The following CDH12 variants were observed in gnomAD, a reference collection of about 807,000 sequenced individuals.
The protein encoded by CDH12 is cadherin 12.
CDH12 carries 41 observed loss-of-function variants against 74.1 expected under a neutral mutation model. That is an observed-to-expected ratio of 0.55 (90% confidence interval 0.43 to 0.72). The LOEUF is 0.72. Among genes scored for constraint, CDH12 ranks in the 30% least tolerant of loss-of-function variants. The probability of loss-of-function intolerance (pLI) is 0.00; values close to 1 mark genes in which losing one functional copy is unlikely to be tolerated. For synonymous variants in CDH12, 399 were observed against 355.0 expected (o/e 1.12, Z -1.39); for missense variants, 945 against 977.2 (o/e 0.97, Z 0.44).
chr5:22,460,996 C>A (rs1260897766), intron 2 of CDH12, among the ~76,000 whole-genome samples: 2 of 144,946 alleles, frequency 1.4e-5, no homozygotes, highest in East Asian at 4.2e-4. Context: ...GCTGGGATTA[C>A]AGGTGTGAGC....
intron 1 of CDH12, among the ~76,000 whole-genome samples, chr5:22,800,570 T>C (rs1334756855): frequency 1.3e-5 from 2 of 152,148 alleles, no homozygotes; most frequent in Non-Finnish European, 2.9e-5. Context: ...TGTTTATAGT[T>C]TACCATTAGG....
intron 4 of CDH12, among the ~76,000 whole-genome samples, chr5:22,157,824 A>G (rs1748117335): frequency 1.3e-5 from 2 of 152,118 alleles, no homozygotes; most frequent in Admixed American, 6.6e-5. Flanking sequence ...GCTAATTTAA[A>G]TCTCACATAC....
At chr5:22,376,080 A>G (rs372670707) in intron 3 of CDH12, among the ~76,000 whole-genome samples, 1 of 152,228 alleles carries the variant, frequency 6.6e-6, no homozygotes, top group African/African-American at 2.4e-5. Flanking sequence ...ATGGATAAAG[A>G]ACATGTGGTT....
At chr5:22,326,553 C>T (rs866308934) in intron 3 of CDH12, among the ~76,000 whole-genome samples, 9 of 152,102 alleles carry the variant, frequency 5.9e-5, no homozygotes, top group African/African-American at 1.7e-4. Flanking sequence ...GGCTTTACAT[C>T]TCATGAAACT....
At chr5:22,437,805 A>G (rs1454231373) in intron 2 of CDH12, among the ~76,000 whole-genome samples, 1 of 152,024 alleles carries the variant, frequency 6.6e-6, no homozygotes, top group East Asian at 1.9e-4. Context: ...TATTTAACCC[A>G]AGGTACTAGT....
At chr5:22,707,167 G>A (rs1743052767) in intron 1 of CDH12, among the ~76,000 whole-genome samples, 1 of 152,142 alleles carries the variant, frequency 6.6e-6, no homozygotes, top group Non-Finnish European at 1.5e-5. Flanking sequence ...ACAACATTAA[G>A]CCTACTAAAT....
At chr5:22,128,626 G>T (rs548589512) in intron 4 of CDH12, among the ~76,000 whole-genome samples, 1 of 151,954 alleles carries the variant, frequency 6.6e-6, no homozygotes, top group Non-Finnish European at 1.5e-5. Flanking sequence ...GAAATAACAG[G>T]AATAAAACAA....
At chr5:22,022,854 T>C (rs1469603945) in intron 5 of CDH12, among the ~76,000 whole-genome samples, 1 of 152,152 alleles carries the variant, frequency 6.6e-6, no homozygotes, top group Non-Finnish European at 1.5e-5. Flanking sequence ...AAATAATACA[T>C]AAATTTACTT....
intron 6 of CDH12, among the ~76,000 whole-genome samples, chr5:21,909,819 T>C (rs1753789866): frequency 6.6e-6 from 1 of 152,188 alleles, no homozygotes; most frequent in South Asian, 2.1e-4. Flanking sequence ...GACATGGCTT[T>C]GTCCTGATAT....
chr5:22,203,322 G>T (rs543817534), intron 4 of CDH12, among the ~76,000 whole-genome samples: 2 of 151,964 alleles, frequency 1.3e-5, no homozygotes, highest in Non-Finnish European at 2.9e-5. Context: ...TTCAGATACC[G>T]CATTTGAGTG....
At chr5:21,895,284 G>A (rs1043172488) in intron 6 of CDH12, among the ~76,000 whole-genome samples, 1 of 152,128 alleles carries the variant, frequency 6.6e-6, no homozygotes, top group Non-Finnish European at 1.5e-5. Flanking sequence ...ATTATTTGTG[G>A]GTTAACATAT....
intron 5 of CDH12, among the ~76,000 whole-genome samples, chr5:21,994,892 A>C (rs1265586979): frequency 1.3e-5 from 2 of 152,154 alleles, no homozygotes; most frequent in Non-Finnish European, 2.9e-5. Flanking sequence ...GGGCAGGGCC[A>C]AATAAGGTAA....
intron 1 of CDH12, among the ~76,000 whole-genome samples, chr5:22,798,760 T>C (rs938182744): frequency 2.6e-5 from 4 of 152,164 alleles, no homozygotes; most frequent in African/African-American, 9.6e-5. Flanking sequence ...TAATTATAAG[T>C]ATAGTATGTT....
intron 1 of CDH12, among the ~76,000 whole-genome samples, chr5:22,678,769 A>G (rs571660917): frequency 1.3e-5 from 2 of 152,228 alleles, no homozygotes; most frequent in African/African-American, 4.8e-5. Flanking sequence ...TATTTTCATC[A>G]TTTAGGAATT....
At chr5:21,897,430 C>A (rs1753175062) in intron 6 of CDH12, among the ~76,000 whole-genome samples, 2 of 152,142 alleles carry the variant, frequency 1.3e-5, no homozygotes, top group South Asian at 4.1e-4. Flanking sequence ...AGAAATAAAG[C>A]CTCAAATGTC....
At position 21,774,357 on chromosome 5, in the gene CDH12, A is replaced by T. The variant is rs959383658; in HGVS notation, c.1393+9001T>A. 2.0e-5 allele frequency: 3 copies of T among 152,282 alleles called. No homozygotes were observed. In the South Asian group the frequency reaches 6.2e-4, roughly 32 times the overall value. 9.4% of individuals were successfully genotyped at this position (152,282 alleles called of 1,614,324 possible). On this transcript the variant is annotated intron_variant, in intron 11 of 14. Transcript: ENST00000382254. ...CTTCAGGTTTTGGACTCTTGGACTT[A>T]GACCAGTGATTTACCAGGGACTCTC...
At chr5:22,058,048 C>T (rs1240584052) in intron 5 of CDH12, among the ~76,000 whole-genome samples, 19 of 143,574 alleles carry the variant, frequency 1.3e-4, no homozygotes, top group African/African-American at 4.7e-4. Flanking sequence ...TATCTATCAT[C>T]TATCTTTTAT....
chr5:22,610,885 A>C (rs1462965540), intron 1 of CDH12, among the ~76,000 whole-genome samples: 1 of 152,074 alleles, frequency 6.6e-6, no homozygotes, highest in Non-Finnish European at 1.5e-5. Flanking sequence ...TTAATATTAC[A>C]ATTCTACATG....
At chr5:22,089,150 A>G (rs1297952857) in intron 4 of CDH12, among the ~76,000 whole-genome samples, 1 of 152,232 alleles carries the variant, frequency 6.6e-6, no homozygotes, top group Non-Finnish European at 1.5e-5. Flanking sequence ...GAGCAGGCAG[A>G]GGCTGAAAAC....
Sources: gnomAD v4.1 joint callset for allele counts (sites outside exome capture counted in the v4.1 genomes callset) on GRCh38, gnomAD v4.1.1 for gene constraint, MANE v1.5 for transcripts, NCBI Gene and HGNC (gene_info 2026-07-23, HGNC 2026-07-21) for gene names.